The following SLC16A3 variants were observed in gnomAD, a reference collection of about 807,000 sequenced individuals.
The protein encoded by SLC16A3 is monocarboxylate transporter 4.
SLC16A3 carries 22 observed loss-of-function variants against 25.0 expected under a neutral mutation model. That is an observed-to-expected ratio of 0.88 (90% CI 0.63 to 1.26). The LOEUF is 1.26. SLC16A3 is among the 50% of genes most tolerant of loss of function. The probability of loss-of-function intolerance (pLI) is 0.00; values close to 1 mark genes in which losing one functional copy is unlikely to be tolerated. For synonymous variants in SLC16A3, 390 were observed against 309.2 expected, an observed-to-expected ratio of 1.26 and a Z score of -2.74; for missense variants, 731 against 666.6, an observed-to-expected ratio of 1.10 and a Z score of -1.06.
At chr17:82,227,612 GCGGGAGCACCACCTGCCC>G (rs879751526), upstream of SLC16A3, among the ~76,000 whole-genome samples, 68,774 of 131,730 alleles carry the variant, frequency 0.52, 18,369 homozygotes, top group East Asian at 0.89. Flanking sequence ...CCTGCCCTGG[GCGGGAGCACCACCTGCCC>G]TGGGCGGGAG....
intron 1 of SLC16A3, among the ~76,000 whole-genome samples, chr17:82,221,524 G>T (rs548602994): frequency 6.6e-6 from 1 of 151,886 alleles, no homozygotes; most frequent in East Asian, 2.0e-4. Flanking sequence ...AGCTGAGAAC[G>T]CACCACTGCA....
In SLC16A3 at chr17:82,236,173, C is replaced by T. The variant is rs376637996; in HGVS notation, c.165C>T (p.Ile55=). ...AGGAGCTCATACAGGAGTTTGGGAT[C>T]GGCTACAGCGACACAGCCTGGATCT... The part of the protein sequence containing the change: ...FFKELIQEFG[I]GYSDTAWISS... Residue 55 remains isoleucine, a synonymous_variant, in exon 2 of 5, where the codon ATC becomes ATT. Transcript: ENST00000582743. 3.7e-5 allele frequency: 59 copies of T among 1,613,040 alleles called. No individual in the cohort carries two copies. Among genetic ancestry groups the T allele is most frequent in the Admixed American group, 3.2e-4 (19 of 60,016 alleles).
upstream of SLC16A3, among the ~76,000 whole-genome samples, chr17:82,225,482 G>A (rs988823523): frequency 6.6e-6 from 1 of 152,188 alleles, no homozygotes; most frequent in African/African-American, 2.4e-5. Context: ...GGGACGGTGT[G>A]GCCACAGGTG....
chr17:82,237,220 G>A lies in SLC16A3; in HGVS notation c.450G>A (p.Gly150=). ...GCAAGCGGCGCCCCATGGCCAACGG[G>A]CTGGCGGCAGCAGGTAGCCCTGTCT... The part of the protein sequence containing the change: ...YFSKRRPMAN[G]LAAAGSPVFL... The change falls in exon 4 of 5, where the codon GGG becomes GGA. Residue 150 remains glycine (G), a synonymous_variant. Coordinates refer to ENST00000582743, the MANE Select transcript of SLC16A3 (RefSeq NM_004207.4). The A allele has an allele frequency of 6.5e-7, 1 of 1,548,750 alleles. No homozygotes were observed. The highest frequency in any genetic ancestry group is 1.2e-5 in the South Asian group (1 of 83,436).
At chr17:82,222,570 G>A (rs2050395725) in intron 1 of SLC16A3, among the ~76,000 whole-genome samples, 1 of 152,148 alleles carries the variant, frequency 6.6e-6, no homozygotes, top group African/African-American at 2.4e-5. Flanking sequence ...TTGGGAGGTC[G>A]AGGCAGGCGC....
chr17:82,221,964 T>A (rs543246537), intron 1 of SLC16A3, among the ~76,000 whole-genome samples: 1 of 152,310 alleles, frequency 6.6e-6, no homozygotes, highest in South Asian at 2.1e-4. Flanking sequence ...CTGCTGAGAA[T>A]GGAGATGGCC....
intron 1 of SLC16A3, chr17:82,230,119 A>C (rs1303878584): frequency 6.6e-6 from 1 of 152,612 alleles, no homozygotes; most frequent in Non-Finnish European, 1.5e-5. Context: ...TCCCAGCTTC[A>C]CTGCACAGGC....
chr17:82,226,820 T>G (rs1197297956), upstream of SLC16A3, among the ~76,000 whole-genome samples: 2 of 152,158 alleles, frequency 1.3e-5, no homozygotes, highest in African/African-American at 4.8e-5. Flanking sequence ...CACAGCGTCC[T>G]GTTCTGTCCA....
At position 82,237,768 on chromosome 17, in the gene SLC16A3, G is replaced by C; in HGVS notation, c.998G>C (p.Gly333Ala). 1 of 1,611,902 alleles carries C rather than the reference G, an allele frequency of 6.2e-7. No individual in the cohort carries two copies. Among genetic ancestry groups the C allele is most frequent in the East Asian group, 2.2e-5 (1 of 44,880 alleles). ...TGCATCTTCTTTGGCATCTCCTACG[G>C]CATGGTGGGGGCCCTGCAGTTCGAG... ...VFCIFFGISYGMVGALQFEVL... is the reference protein window; with the variant it reads ...VFCIFFGISYAMVGALQFEVL... Residue 333 changes from glycine to alanine, a missense_variant, in exon 4 of 5, where the codon GGC becomes GCC. Coordinates refer to ENST00000582743, the MANE Select transcript of SLC16A3 (RefSeq NM_004207.4).
At position 82,235,972 on chromosome 17, in the gene SLC16A3, T is replaced by C. The variant is rs1179809414; in HGVS notation, c.-26-11T>C. ...CCCGGGCAGCCTGAGTCAGCCTGCT[T>C]TCTCTCTCAGGTGAGGCGGAACCAA... is the stretch of plus-strand genomic sequence containing the variant. On this transcript the variant is annotated splice_polypyrimidine_tract_variant and intron_variant, in intron 1 of 4. Transcript: ENST00000582743. The C allele has an allele frequency of 1.9e-6, 3 of 1,565,418 alleles. No individual in the cohort carries two copies. The highest frequency in any genetic ancestry group is 1.8e-5 in the Admixed American group (1 of 56,260).
chr17:82,225,233 G>C (rs773791185), upstream of SLC16A3, among the ~76,000 whole-genome samples: 1 of 152,108 alleles, frequency 6.6e-6, no homozygotes, highest in Non-Finnish European at 1.5e-5. Context: ...CTACACTCCA[G>C]CCCGGTGACA....
chr17:82,228,311 CG>C (rs1467500771), upstream of SLC16A3: 2 of 152,310 alleles, frequency 1.3e-5, no homozygotes, highest in African/African-American at 4.8e-5. Flanking sequence ...GGAGCCGCCC[CG>C]GCCTCCGCGT....
upstream of SLC16A3, among the ~76,000 whole-genome samples, chr17:82,223,855 C>G (rs1195111346): frequency 6.6e-6 from 1 of 151,996 alleles, no homozygotes; most frequent in Non-Finnish European, 1.5e-5. Flanking sequence ...TTGACCCTGT[C>G]TCAGTTCTGT....
Position 82,239,114 on chromosome 17 carries a change from C to G in SLC16A3, c.*138C>G, listed in dbSNP as rs1037651535. On this transcript the variant is annotated 3_prime_UTR_variant, in exon 5 of 5. Transcript: ENST00000582743. ...CCGGCCCAGCGGATCGTCGCCCGAT[C>G]AGTGTTTTGAGGGGGAAGGTGGCGG... 1 of 838,766 alleles carries G rather than the reference C, an allele frequency of 1.2e-6. No individual in the cohort carries two copies. 52.0% of individuals were successfully genotyped at this position (838,766 alleles called of 1,614,324 possible).
upstream of SLC16A3, among the ~76,000 whole-genome samples, chr17:82,227,241 T>G (rs1486897096): frequency 6.6e-6 from 1 of 152,054 alleles, no homozygotes; most frequent in African/African-American, 2.4e-5. Context: ...CCTTTGTCCT[T>G]CAGGAGGCAG....
At chr17:82,221,197 G>C (rs1211582140) in intron 1 of SLC16A3, among the ~76,000 whole-genome samples, 1 of 152,158 alleles carries the variant, frequency 6.6e-6, no homozygotes, top group Non-Finnish European at 1.5e-5. Flanking sequence ...GGAGAGTGAA[G>C]GCAGCCCACA....
chr17:82,234,041 C>T (rs141681605), intron 1 of SLC16A3: 6,372 of 125,754 alleles, frequency 0.051, 146 homozygotes, highest in Non-Finnish European at 0.056. Flanking sequence ...GGGGTTTCAC[C>T]GTGTTAGCCA....
chr17:82,236,169 G>C lies in SLC16A3; in HGVS notation c.161G>C (p.Gly54Ala). The C allele has an allele frequency of 1.2e-6, 2 of 1,613,180 alleles. No homozygotes were observed. The highest frequency in any genetic ancestry group is 1.7e-6 in the Non-Finnish European group (2 of 1,179,964). The change falls in exon 2 of 5, where the codon GGG (glycine) becomes GCG (alanine). Residue 54 changes from glycine (G) to alanine (A), a missense_variant. Physicochemically the swap from Gly to Ala is moderately conservative, Grantham distance 60. Transcript: ENST00000582743. ...TTCAAGGAGCTCATACAGGAGTTTGGGATCGGCTACAGCGACACAGCCTGG... is the reference window on the plus strand; with the variant it reads ...TTCAAGGAGCTCATACAGGAGTTTGCGATCGGCTACAGCGACACAGCCTGG... ...VFFKELIQEF[G>A]IGYSDTAWIS...
At position 82,240,055 on chromosome 17, in the gene SLC16A3, C is replaced by T. The variant is rs2050720737; in HGVS notation, c.*1079C>T. 1 of 1,233,828 alleles carries T rather than the reference C, an allele frequency of 8.1e-7. No homozygotes were observed. Among genetic ancestry groups the T allele is most frequent in the Non-Finnish European group, 1.0e-6 (1 of 987,904 alleles). The allele number at this position is 1,233,828 out of a possible 1,614,324, so 76.4% of individuals were successfully genotyped here. On this transcript the variant is annotated 3_prime_UTR_variant, in exon 5 of 5. Coordinates refer to ENST00000582743, the MANE Select transcript of SLC16A3 (RefSeq NM_004207.4). ...GTGCAGCCGGAGAGATGCCATGTCC[C>T]TGCTCCTCTGCAATGAAAAGCAAGC...
Sources: allele counts gnomAD v4.1 joint callset (sites outside exome capture counted in the v4.1 genomes callset), GRCh38; gene constraint gnomAD v4.1.1; transcripts MANE v1.5; gene names NCBI Gene and HGNC (gene_info 2026-07-23, HGNC 2026-07-21).